STARD13: variants seen among roughly 807,000 people sequenced by gnomAD.
STARD13 encodes StAR related lipid transfer domain containing 13.
In STARD13, 62 loss-of-function variants were observed where a neutral mutation model predicts 106.4. The ratio of observed to expected loss-of-function variants is 0.58; its 90% CI spans 0.48 to 0.72. The LOEUF (loss-of-function observed/expected upper bound fraction) is 0.72, where lower values mean the gene tolerates loss of function less well. STARD13 is among the 30% of genes least tolerant of loss of function. STARD13 has a pLI of 0.00. For synonymous variants in STARD13, 565 were observed against 553.0 expected, an observed-to-expected ratio of 1.02 and a Z score of -0.31; for missense variants, 1,387 against 1,424.0, an observed-to-expected ratio of 0.97 and a Z score of 0.42.
chr13:33,674,067 C>T, the STARD13 span, among the ~76,000 whole-genome samples: 57 of 152,102 alleles, frequency 3.7e-4, 1 homozygote, highest in Middle Eastern at 3.4e-3. Context: ...ACCATGTTGG[C>T]CAGGCTGGTC....
At chr13:33,216,333 G>A (rs774491488) in intron 1 of STARD13, among the ~76,000 whole-genome samples, 6 of 152,134 alleles carry the variant, frequency 3.9e-5, no homozygotes, top group Non-Finnish European at 7.4e-5. Flanking sequence ...ATCAATCAAT[G>A]AGTGGATAAA....
At chr13:33,230,745 A>C (rs1327702188) in intron 1 of STARD13, among the ~76,000 whole-genome samples, 1 of 152,180 alleles carries the variant, frequency 6.6e-6, no homozygotes, top group East Asian at 1.9e-4. Flanking sequence ...GTCGGTCTTT[A>C]CTCATTTTAT....
chr13:33,411,910 G>T, the STARD13 span, among the ~76,000 whole-genome samples: 2 of 152,056 alleles, frequency 1.3e-5, no homozygotes, highest in African/African-American at 4.8e-5. Flanking sequence ...ATTATCAAAT[G>T]AAGGAAAAAT....
intron 1 of STARD13, among the ~76,000 whole-genome samples, chr13:33,216,811 C>T (rs913398423): frequency 1.8e-4 from 28 of 152,104 alleles, no homozygotes; most frequent in African/African-American, 5.3e-4. Flanking sequence ...TGAGAATGAC[C>T]GCATTGTCTA....
chr13:33,144,815 T>C (rs951969381), intron 3 of STARD13, among the ~76,000 whole-genome samples: 4 of 152,216 alleles, frequency 2.6e-5, no homozygotes, highest in African/African-American at 9.6e-5. Context: ...AATGAACTTA[T>C]CTAGTGAACT....
intron 1 of STARD13, among the ~76,000 whole-genome samples, chr13:33,252,490 G>GCTCCATAGGGTCTTCTCGTCT (rs1890137450): frequency 6.6e-6 from 1 of 152,136 alleles, no homozygotes; most frequent in Non-Finnish European, 1.5e-5. Context: ...ACTTTCAAAT[G>GCTCCATAGGGTCTTCTCGTCT]GACTAAACAA....
At chr13:33,170,285 G>A (rs867043491) in intron 1 of STARD13, among the ~76,000 whole-genome samples, 4 of 152,078 alleles carry the variant, frequency 2.6e-5, no homozygotes, top group Non-Finnish European at 5.9e-5. Context: ...ATATACATAC[G>A]CTTACTATGT....
At chr13:33,673,594 G>C in the STARD13 span, among the ~76,000 whole-genome samples, 3 of 140,838 alleles carry the variant, frequency 2.1e-5, no homozygotes, top group African/African-American at 8.6e-5. Context: ...CCATGCTGGA[G>C]TGCAGTGGCA....
At chr13:33,242,269 C>G (rs868789568) in intron 1 of STARD13, among the ~76,000 whole-genome samples, 2 of 152,094 alleles carry the variant, frequency 1.3e-5, no homozygotes, top group African/African-American at 2.4e-5. Context: ...AGCTCATTGA[C>G]AACGGGCCAT....
the STARD13 span, among the ~76,000 whole-genome samples, chr13:33,361,716 G>T: frequency 3.7e-4 from 56 of 152,282 alleles, no homozygotes; most frequent in Middle Eastern, 3.4e-3. Flanking sequence ...GAAAGAGAGT[G>T]AAAGGGGAAT....
the STARD13 span, among the ~76,000 whole-genome samples, chr13:33,394,720 G>T: frequency 6.6e-6 from 1 of 152,196 alleles, no homozygotes; most frequent in Admixed American, 6.5e-5. Context: ...CACAGAACAT[G>T]CCAGGGATGT....
chr13:33,504,340 G>T, the STARD13 span, among the ~76,000 whole-genome samples: 3 of 152,008 alleles, frequency 2.0e-5, no homozygotes, highest in South Asian at 4.1e-4. Context: ...CAATAGCAAA[G>T]ACTTTGAACC....
chr13:33,348,281 G>A (rs923564318), downstream of STARD13, among the ~76,000 whole-genome samples: 3 of 152,074 alleles, frequency 2.0e-5, no homozygotes, highest in South Asian at 2.1e-4. Flanking sequence ...ATATATTCAC[G>A]ATCTTAAAGT....
chr13:33,161,750 G>T (rs1471975442), intron 3 of STARD13, among the ~76,000 whole-genome samples: 3 of 152,154 alleles, frequency 2.0e-5, no homozygotes, highest in East Asian at 3.9e-4. Flanking sequence ...TGCTGATAAA[G>T]ACATACCCGA....
Position 33,112,870 on chromosome 13 carries a change from C to T in STARD13, c.2343G>A (p.Glu781=), listed in dbSNP as rs895141513. The T allele has an allele frequency of 1.9e-5, 30 of 1,613,878 alleles. No homozygotes were observed. The highest frequency in any genetic ancestry group is 2.4e-5 in the Non-Finnish European group (28 of 1,179,914). ...AGAGCGTCTGCAGGACCTCCCTGTT[C>T]TCATCGGCCAGTAGCAGGATGGCAG... ...VQAAILLLAD[E]NREVLQTLLC... is the part of the protein sequence containing the mutation. The change falls in exon 9 of 14, where the codon GAG becomes GAA. Residue 781 remains glutamate, a synonymous_variant. Coordinates refer to ENST00000336934, the MANE Select transcript of STARD13 (RefSeq NM_178006.4).
intron 1 of STARD13, chr13:33,185,867 C>A: frequency 6.2e-7 from 1 of 1,613,944 alleles, no homozygotes; most frequent in South Asian, 1.1e-5. Flanking sequence ...CCCTTCTGAT[C>A]CAGCACTTAC....
intron 7 of STARD13, among the ~76,000 whole-genome samples, chr13:33,120,117 C>G (rs1213953322): frequency 6.6e-6 from 1 of 152,224 alleles, no homozygotes; most frequent in Non-Finnish European, 1.5e-5. Context: ...TTCAGTGTGA[C>G]TCACAAATAT....
In STARD13 at chr13:33,285,716, G is replaced by A. The variant is rs904869254; in HGVS notation, c.-78C>T. On this transcript the variant is annotated 5_prime_UTR_variant, in exon 1 of 14. Transcript: ENST00000336934. The stretch of plus-strand genomic sequence containing the variant: ...TCTCCAGTCTCAGTCAAAGAGCAAG[G>A]CACCCAGCCCAGGACAGCTCAACAG... The A allele has an allele frequency of 2.5e-6, 4 of 1,580,648 alleles. No individual in the cohort carries two copies. Among genetic ancestry groups the A allele is most frequent in the South Asian group, 1.2e-5 (1 of 83,798 alleles).
At chr13:33,517,147 G>A in the STARD13 span, among the ~76,000 whole-genome samples, 6 of 152,020 alleles carry the variant, frequency 3.9e-5, no homozygotes, top group Admixed American at 1.3e-4. Flanking sequence ...AGTTTGATGG[G>A]CAATGCTGAA....
Sources: allele counts gnomAD v4.1 joint callset (sites outside exome capture counted in the v4.1 genomes callset), GRCh38; gene constraint gnomAD v4.1.1; transcripts MANE v1.5; gene names NCBI Gene and HGNC (gene_info 2026-07-23, HGNC 2026-07-21).